PLEKHA5: variants seen among roughly 807,000 people sequenced by gnomAD.
PLEKHA5 encodes pleckstrin homology domain-containing family A member 5.
PLEKHA5 carries 55 observed loss-of-function variants against 181.9 expected under a neutral mutation model. The observed-to-expected ratio is 0.30, with a 90% CI of 0.24 to 0.38. The LOEUF (loss-of-function observed/expected upper bound fraction) is 0.38, where lower values mean the gene tolerates loss of function less well. PLEKHA5 is among the 10% of genes least tolerant of loss of function. The pLI is 1.00. For synonymous variants in PLEKHA5, 535 were observed against 529.4 expected, an observed-to-expected ratio of 1.01 and a Z score of -0.15; for missense variants, 1,432 against 1,549.5, an observed-to-expected ratio of 0.92 and a Z score of 1.27.
chr12:19,194,537 G>T (rs201085632), intron 3 of PLEKHA5, among the ~76,000 whole-genome samples: 1 of 152,106 alleles, frequency 6.6e-6, no homozygotes, highest in East Asian at 1.9e-4. Context: ...TTCCATAGAG[G>T]TTGTACAAAT....
At chr12:19,251,799 T>TA (rs2065398588) in intron 3 of PLEKHA5, among the ~76,000 whole-genome samples, 1 of 113,192 alleles carries the variant, frequency 8.8e-6, no homozygotes, top group South Asian at 2.6e-4. Context: ...AGCTCTAAGA[T>TA]AAAAACATAC....
intron 29 of PLEKHA5, among the ~76,000 whole-genome samples, chr12:19,363,808 G>C (rs188882077): frequency 5.9e-5 from 9 of 152,164 alleles, no homozygotes; most frequent in Admixed American, 3.3e-4. Context: ...GGCCTTAAGA[G>C]TATATCTTCA....
At chr12:19,292,627 G>C (rs971870495) in intron 15 of PLEKHA5, among the ~76,000 whole-genome samples, 1 of 151,916 alleles carries the variant, frequency 6.6e-6, no homozygotes, top group Non-Finnish European at 1.5e-5. Flanking sequence ...GCCTGGTTGA[G>C]GTGAATGTTC....
chr12:19,140,253 G>T (rs2036865340), intron 3 of PLEKHA5, among the ~76,000 whole-genome samples: 1 of 152,122 alleles, frequency 6.6e-6, no homozygotes, highest in Admixed American at 6.6e-5. Context: ...TAAGCAAAAA[G>T]TCTACTTTTT....
intron 31 of PLEKHA5, chr12:19,370,717 T>G (rs2095553613): frequency 6.6e-6 from 1 of 152,164 alleles, no homozygotes; most frequent in Admixed American, 6.6e-5. Flanking sequence ...TATTTCTTTT[T>G]TCAGAGATGT....
At chr12:19,146,710 A>G (rs2151220743) in intron 3 of PLEKHA5, among the ~76,000 whole-genome samples, 1 of 152,264 alleles carries the variant, frequency 6.6e-6, no homozygotes, top group South Asian at 2.1e-4. Flanking sequence ...TCAGAACATA[A>G]TATACCTTAG....
intron 3 of PLEKHA5, among the ~76,000 whole-genome samples, chr12:19,164,876 G>A (rs1379689679): frequency 6.6e-6 from 1 of 151,902 alleles, no homozygotes; most frequent in Admixed American, 6.6e-5. Context: ...TCTACTTGCG[G>A]ATGTCACAGA....
intron 22 of PLEKHA5, among the ~76,000 whole-genome samples, chr12:19,344,455 G>T (rs1412913268): frequency 1.3e-5 from 2 of 152,130 alleles, no homozygotes; most frequent in African/African-American, 4.8e-5. Context: ...TTGTATAAGG[G>T]AACTGTAATA....
intron 31 of PLEKHA5, chr12:19,370,786 C>G (rs1283755989): frequency 6.6e-6 from 1 of 151,942 alleles, no homozygotes; most frequent in African/African-American, 2.4e-5. Context: ...ACCTCCTGGG[C>G]TCAAGCAGTC....
intron 3 of PLEKHA5, among the ~76,000 whole-genome samples, chr12:19,146,083 T>C (rs534334133): frequency 1.7e-4 from 26 of 152,350 alleles, no homozygotes; most frequent in Non-Finnish European, 2.9e-4. Context: ...GGCCAAATCA[T>C]TGGAGACATT....
intron 3 of PLEKHA5, among the ~76,000 whole-genome samples, chr12:19,172,204 C>T (rs940897153): frequency 1.8e-4 from 27 of 152,160 alleles, no homozygotes; most frequent in African/African-American, 5.3e-4. Context: ...GGTTTGTTTA[C>T]ATCAGCATCA....
intron 10 of PLEKHA5, 93 bp from the exon 11 acceptor site, chr12:19,274,423 C>G (rs58232879): frequency 0.053 from 42,969 of 815,542 alleles, 1,522 homozygotes; most frequent in African/African-American, 0.15. Context: ...TGGCCCCCAC[C>G]CCCGTAAAGT....
chr12:19,169,448 A>G (rs995416200), intron 3 of PLEKHA5, among the ~76,000 whole-genome samples: 2 of 152,196 alleles, frequency 1.3e-5, no homozygotes, highest in African/African-American at 4.8e-5. Context: ...GGCTCTGCCC[A>G]CCAGTGGTAG....
intron 9 of PLEKHA5, 140 bp from the exon 10 acceptor site, chr12:19,270,048 C>T (rs1378964824): frequency 8.0e-6 from 5 of 625,744 alleles, no homozygotes; most frequent in East Asian, 2.9e-5. Context: ...TAAATTAATA[C>T]ACATTTTGTT....
At chr12:19,343,624 A>T (rs1271582835) in intron 22 of PLEKHA5, among the ~76,000 whole-genome samples, 190 bp downstream of exon 22, 1 of 152,232 alleles carries the variant, frequency 6.6e-6, no homozygotes, top group Admixed American at 6.5e-5. Flanking sequence ...TATTGCTCCC[A>T]GGTTGCAAAC....
intron 3 of PLEKHA5, chr12:19,207,694 C>A (rs2055916313): frequency 6.6e-6 from 1 of 152,014 alleles, no homozygotes; most frequent in Non-Finnish European, 1.5e-5. Flanking sequence ...TTAATTTTTT[C>A]TGGCATATGG....
At chr12:19,242,583 G>T (rs1592175913) in intron 3 of PLEKHA5, among the ~76,000 whole-genome samples, 1 of 152,110 alleles carries the variant, frequency 6.6e-6, no homozygotes, top group African/African-American at 2.4e-5. Context: ...TTATTTAAGA[G>T]AGCTTTTAAG....
chr12:19,290,402 C>CT (rs915786903), intron 13 of PLEKHA5, among the ~76,000 whole-genome samples: 2 of 152,076 alleles, frequency 1.3e-5, no homozygotes, highest in African/African-American at 4.8e-5. Context: ...TGGCATTGTG[C>CT]TTTTTTGTAC....
chr12:19,312,896 T>A (rs1485104104), intron 15 of PLEKHA5, among the ~76,000 whole-genome samples: 1 of 152,170 alleles, frequency 6.6e-6, no homozygotes, highest in Non-Finnish European at 1.5e-5. Flanking sequence ...CCTTAATCAT[T>A]TCTAGCTTTT....
Sources: gnomAD v4.1 joint callset for allele counts (sites outside exome capture counted in the v4.1 genomes callset) on GRCh38, gnomAD v4.1.1 for gene constraint, MANE v1.5 for transcripts, NCBI Gene and HGNC (gene_info 2026-07-23, HGNC 2026-07-21) for gene names.